SOS2: variants seen among roughly 807,000 people sequenced by gnomAD.
The protein encoded by SOS2 is son of sevenless homolog 2.
SOS2 carries 65 observed loss-of-function variants against 148.2 expected under a neutral mutation model. That is an observed-to-expected ratio of 0.44 (90% confidence interval 0.36 to 0.54). The LOEUF is 0.54. Ranked by LOEUF, SOS2 falls within the 20% of genes least tolerant of loss-of-function variation. The probability of loss-of-function intolerance (pLI) is 0.00; values close to 1 mark genes in which losing one functional copy is unlikely to be tolerated. For missense variants in SOS2, 1,341 were observed against 1,590.2 expected (o/e 0.84, Z 2.67); for synonymous variants, 539 against 537.1 (o/e 1.00, Z -0.05).
intron 2 of SOS2, among the ~76,000 whole-genome samples, chr14:50,201,528 A>G (rs1037302771): frequency 1.4e-5 from 1 of 70,100 alleles, no homozygotes; most frequent in Non-Finnish European, 3.0e-5. Context: ...GGAGACCCCC[A>G]ACAGAAAAAA....
chr14:50,127,947 T>A (rs982465792), intron 21 of SOS2, among the ~76,000 whole-genome samples: 2 of 152,180 alleles, frequency 1.3e-5, no homozygotes, highest in African/African-American at 4.8e-5. Context: ...ACATTCTATT[T>A]CCAGCTAAAC....
chr14:50,217,861 C>T (rs1015974109), intron 1 of SOS2, among the ~76,000 whole-genome samples: 62 of 152,084 alleles, frequency 4.1e-4, no homozygotes, highest in African/African-American at 1.4e-3. Context: ...GAGGCTGAGG[C>T]AGGAGAATGG....
At chr14:50,217,492 A>C (rs1310690912) in intron 1 of SOS2, among the ~76,000 whole-genome samples, 2 of 152,184 alleles carry the variant, frequency 1.3e-5, no homozygotes, top group African/African-American at 4.8e-5. Context: ...TTAGATCAGG[A>C]GTTCGAGACC....
rs1884325209 is a variant in SOS2, at chr14:50,142,409, A to T, written c.2668-2350T>A. Among the ~76,000 whole-genome samples the T allele has an allele frequency of 2.0e-5, 3 of 152,186 alleles. No homozygotes were observed. In the South Asian group the frequency reaches 6.2e-4, roughly 31 times the overall value. ...AAACAGAAAAATATATGTATAAAGC[A>T]GTTTTTCCTCTATTCCCCTCTAATA... On this transcript the variant is annotated intron_variant, in intron 16 of 22. Transcript: ENST00000216373.
intron 1 of SOS2, chr14:50,230,928 C>T (rs1887520401): frequency 9.1e-7 from 1 of 1,095,056 alleles, no homozygotes; most frequent in Admixed American, 5.1e-5. Context: ...ACAAATTGGT[C>T]AACGGCGGAA....
intron 5 of SOS2, among the ~76,000 whole-genome samples, chr14:50,183,463 A>G (rs1205099369): frequency 6.6e-6 from 1 of 152,174 alleles, no homozygotes; most frequent in East Asian, 1.9e-4. Context: ...CCAAGACAGT[A>G]AAAATCAATC....
chr14:50,127,596 T>C (rs1020756405), intron 21 of SOS2, among the ~76,000 whole-genome samples: 1 of 152,180 alleles, frequency 6.6e-6, no homozygotes. Flanking sequence ...TGGAGCAGAG[T>C]TGCTTACTTG....
At chr14:50,170,235 C>T (rs745835479) in intron 8 of SOS2, among the ~76,000 whole-genome samples, 13 of 151,730 alleles carry the variant, frequency 8.6e-5, no homozygotes, top group Non-Finnish European at 1.3e-4. Context: ...ACCCCACTTT[C>T]TAAGATAAAT....
intron 4 of SOS2, among the ~76,000 whole-genome samples, chr14:50,199,462 G>A (rs1029883623): frequency 4.0e-5 from 6 of 151,750 alleles, no homozygotes; most frequent in African/African-American, 1.5e-4. Context: ...GGCCTTGGAT[G>A]TTTTTTTTCT....
Position 50,150,004 on chromosome 14 carries a change from C to G in SOS2, c.2384+4G>C, listed in dbSNP as rs1254516042. On this transcript the variant is annotated splice_donor_region_variant and intron_variant, in intron 14 of 22. Transcript: ENST00000216373. The stretch of plus-strand genomic sequence containing the variant: ...AAAGCAAGACATTAACATTAATTGT[C>G]TACCTGTAAAGATCAGACTCCAAAA... 1.3e-6 allele frequency: 2 copies of G among 1,556,640 alleles called. No individual in the cohort carries two copies. Among genetic ancestry groups the G allele is most frequent in the Non-Finnish European group, 1.8e-6 (2 of 1,127,828 alleles).
intron 17 of SOS2, 52 bp from the exon 18 acceptor site, chr14:50,138,836 T>C: frequency 1.5e-6 from 1 of 678,488 alleles, no homozygotes; most frequent in Non-Finnish European, 2.3e-6. Flanking sequence ...AATTTTGTTA[T>C]TTAATCAATT....
chr14:50,136,782 G>C (rs1884096582), intron 18 of SOS2, among the ~76,000 whole-genome samples: 1 of 152,028 alleles, frequency 6.6e-6, no homozygotes, highest in Admixed American at 6.6e-5. Flanking sequence ...TGGAGACAGA[G>C]TTTCACCACG....
At chr14:50,191,887 G>C (rs1265087266) in intron 4 of SOS2, among the ~76,000 whole-genome samples, 2 of 151,972 alleles carry the variant, frequency 1.3e-5, no homozygotes, top group South Asian at 2.1e-4. Context: ...CAAACCTAGA[G>C]ACCCTATTCA....
At chr14:50,209,658 C>T (rs143607218) in intron 1 of SOS2, among the ~76,000 whole-genome samples, 4 of 151,546 alleles carry the variant, frequency 2.6e-5, no homozygotes, top group African/African-American at 9.7e-5. Context: ...ACACGGGAGG[C>T]TGATGTGGGA....
chr14:50,164,464 A>T (rs1344761947), intron 8 of SOS2, among the ~76,000 whole-genome samples: 1 of 151,662 alleles, frequency 6.6e-6, no homozygotes, highest in Non-Finnish European at 1.5e-5. Context: ...AAATAAAAAT[A>T]AAAAATACAA....
intron 18 of SOS2, among the ~76,000 whole-genome samples, chr14:50,136,591 CT>C (rs33937285): frequency 0.018 from 2,531 of 139,322 alleles, 43 homozygotes; most frequent in African/African-American, 0.044. Flanking sequence ...GAGCAAGTAT[CT>C]TTTTTTTTTT....
intron 18 of SOS2, among the ~76,000 whole-genome samples, chr14:50,135,644 T>C (rs1884053932): frequency 2.2e-5 from 2 of 92,240 alleles, no homozygotes; most frequent in Non-Finnish European, 4.3e-5. Context: ...GTGGTTTGCT[T>C]TTTTTTTTTT....
chr14:50,221,870 G>A lies in SOS2; in HGVS notation c.87+9327C>T, dbSNP rs148912767. ...AATAATAATTCAGTTCAAAAGACAGGTTTTAAAGCTTTACGGTTGTAGGGA... is the reference window on the plus strand; with the variant it reads ...AATAATAATTCAGTTCAAAAGACAGATTTTAAAGCTTTACGGTTGTAGGGA... On this transcript the variant is annotated intron_variant, in intron 1 of 22. Coordinates refer to ENST00000216373, the MANE Select transcript of SOS2 (RefSeq NM_006939.4). 3.6e-3 allele frequency among the ~76,000 whole-genome samples: 550 copies of A among 152,116 alleles called. 4 individuals are homozygous for A. Among genetic ancestry groups the A allele is most frequent in the African/African-American group, 0.013 (524 of 41,504 alleles).
chr14:50,215,384 T>C (rs1477902626), intron 1 of SOS2: 60 of 1,281,724 alleles, frequency 4.7e-5, no homozygotes, highest in Non-Finnish European at 5.7e-5. Flanking sequence ...CCATAAATGC[T>C]GTAACAGGAC....
Sources: allele counts gnomAD v4.1 joint callset (sites outside exome capture counted in the v4.1 genomes callset), GRCh38; gene constraint gnomAD v4.1.1; transcripts MANE v1.5; gene names NCBI Gene and HGNC (gene_info 2026-07-23, HGNC 2026-07-21).